The following CYTH3 variants were observed in gnomAD, a reference collection of about 807,000 sequenced individuals.
CYTH3 encodes cytohesin 3.
CYTH3 carries 23 observed loss-of-function variants against 55.1 expected under a neutral mutation model. The observed-to-expected ratio is 0.42, with a 90% CI of 0.30 to 0.59. The LOEUF (loss-of-function observed/expected upper bound fraction) is 0.59. CYTH3 is among the 20% of genes least tolerant of loss of function. The probability of loss-of-function intolerance (pLI) is 0.20; values close to 1 mark genes in which losing one functional copy is unlikely to be tolerated. For missense variants in CYTH3, 413 were observed against 524.8 expected (o/e 0.79, Z 2.08); for synonymous variants, 249 against 194.9 (o/e 1.28, Z -2.31).
intron 1 of CYTH3, among the ~76,000 whole-genome samples, chr7:6,231,734 C>T (rs1172612596): frequency 6.6e-6 from 1 of 152,126 alleles, no homozygotes; most frequent in Non-Finnish European, 1.5e-5. Context: ...TAAGAGAATC[C>T]TAGATATTAA....
At chr7:6,189,132 G>T (rs914468485) in intron 2 of CYTH3, among the ~76,000 whole-genome samples, 2 of 152,072 alleles carry the variant, frequency 1.3e-5, no homozygotes, top group African/African-American at 4.8e-5. Flanking sequence ...AGCCCCAAAC[G>T]GAAGGAGCCA....
intron 1 of CYTH3, among the ~76,000 whole-genome samples, chr7:6,201,452 C>T (rs574218473): frequency 1.3e-5 from 2 of 152,342 alleles, no homozygotes; most frequent in East Asian, 3.9e-4. Context: ...GTTCCTTACC[C>T]AGCCTTCTTT....
At chr7:6,249,137 T>C (rs1161788991) in intron 1 of CYTH3, among the ~76,000 whole-genome samples, 6 of 152,232 alleles carry the variant, frequency 3.9e-5, no homozygotes, top group South Asian at 2.1e-4. Context: ...GTGTTGCGTG[T>C]AGGTAACTTT....
At chr7:6,190,552 T>G in intron 1 of CYTH3, 21 bp from the exon 2 acceptor site, 2 of 1,495,710 alleles carry the variant, frequency 1.3e-6, no homozygotes, top group Non-Finnish European at 1.8e-6. Flanking sequence ...AAAAAAATAA[T>G]TAACTACTTT....
At chr7:6,201,915 A>G (rs1784066482) in intron 1 of CYTH3, among the ~76,000 whole-genome samples, 1 of 152,238 alleles carries the variant, frequency 6.6e-6, no homozygotes, top group African/African-American at 2.4e-5. Flanking sequence ...GCAAGGAAAG[A>G]GAAAGAGAAA....
chr7:6,178,355 G>A (rs926416531), intron 4 of CYTH3, among the ~76,000 whole-genome samples: 9 of 152,236 alleles, frequency 5.9e-5, no homozygotes, highest in South Asian at 2.1e-4. Context: ...CGCAGCAAGC[G>A]GGTGGTGCTG....
intron 1 of CYTH3, among the ~76,000 whole-genome samples, chr7:6,234,921 T>C (rs551990209): frequency 3.9e-5 from 6 of 152,288 alleles, no homozygotes; most frequent in Non-Finnish European, 5.9e-5. Context: ...GTCATTCAGT[T>C]ATCAATGGTT....
At chr7:6,265,430 G>C (rs1353331364) in intron 1 of CYTH3, among the ~76,000 whole-genome samples, 1 of 151,566 alleles carries the variant, frequency 6.6e-6, no homozygotes, top group Non-Finnish European at 1.5e-5. Context: ...GGCCAATATG[G>C]TGAAACCCGT....
At chr7:6,175,878 G>A (rs1753072666) in intron 5 of CYTH3, among the ~76,000 whole-genome samples, 1 of 152,038 alleles carries the variant, frequency 6.6e-6, no homozygotes, top group Admixed American at 6.6e-5. Flanking sequence ...TGTGAGTTCT[G>A]CAACTTTGTT....
At chr7:6,267,345 G>C (rs1780525414) in intron 1 of CYTH3, among the ~76,000 whole-genome samples, 1 of 152,074 alleles carries the variant, frequency 6.6e-6, no homozygotes, top group Admixed American at 6.6e-5. Flanking sequence ...CCTGGTATTT[G>C]GTAGAGACAC....
At chr7:6,237,831 T>C (rs554165855) in intron 1 of CYTH3, among the ~76,000 whole-genome samples, 61 of 152,342 alleles carry the variant, frequency 4.0e-4, no homozygotes, top group African/African-American at 1.4e-3. Flanking sequence ...CTTGTAAATG[T>C]ATGTTTACTC....
At chr7:6,190,376 C>A in intron 2 of CYTH3, 73 bp downstream of exon 2, 7 of 923,432 alleles carry the variant, frequency 7.6e-6, no homozygotes, top group Non-Finnish European at 1.0e-5. Flanking sequence ...TTTTGTGAGG[C>A]TACTCTTTTA....
At chr7:6,252,654 T>C (rs1176361285) in intron 1 of CYTH3, among the ~76,000 whole-genome samples, 1 of 152,202 alleles carries the variant, frequency 6.6e-6, no homozygotes, top group Non-Finnish European at 1.5e-5. Context: ...TGTATTAGTC[T>C]CAGCTGCAGT....
chr7:6,251,168 C>T (rs1260262936), intron 1 of CYTH3, among the ~76,000 whole-genome samples: 3 of 152,038 alleles, frequency 2.0e-5, no homozygotes, highest in African/African-American at 7.2e-5. Flanking sequence ...TCAGCTACTT[C>T]AGAAGTTGAA....
chr7:6,258,702 C>G (rs1403020854), intron 1 of CYTH3, among the ~76,000 whole-genome samples: 2 of 152,168 alleles, frequency 1.3e-5, no homozygotes, highest in African/African-American at 4.8e-5. Flanking sequence ...TTGTTCAATC[C>G]TTCTTCTGTC....
chr7:6,179,729 A>ACCC (rs1562881485), intron 4 of CYTH3, among the ~76,000 whole-genome samples: 30 of 94,112 alleles, frequency 3.2e-4, no homozygotes, highest in African/African-American at 1.1e-3. Context: ...CACCACACAC[A>ACCC]CACACCCACC....
intron 4 of CYTH3, among the ~76,000 whole-genome samples, chr7:6,186,337 G>A (rs1469033963): frequency 5.9e-5 from 9 of 151,370 alleles, no homozygotes; most frequent in East Asian, 5.8e-4. Context: ...TGGACACGCC[G>A]TTCCTCTCCT....
chr7:6,183,514 A>G (rs1783557778), intron 4 of CYTH3, among the ~76,000 whole-genome samples: 1 of 152,216 alleles, frequency 6.6e-6, no homozygotes, highest in Admixed American at 6.5e-5. Flanking sequence ...CTACTTCTAG[A>G]AATAATGCAC....
At chr7:6,261,264 G>C (rs1188895352) in intron 1 of CYTH3, among the ~76,000 whole-genome samples, 1 of 152,166 alleles carries the variant, frequency 6.6e-6, no homozygotes, top group Non-Finnish European at 1.5e-5. Flanking sequence ...CAGCAGAATA[G>C]CCACCAGTCT....
Sources: allele counts gnomAD v4.1 joint callset (sites outside exome capture counted in the v4.1 genomes callset), GRCh38; gene constraint gnomAD v4.1.1; transcripts MANE v1.5; gene names NCBI Gene and HGNC (gene_info 2026-07-23, HGNC 2026-07-21).